Variants in CDH12 observed in about 807,000 individuals in gnomAD.
The protein encoded by CDH12 is cadherin-12.
CDH12 carries 41 observed loss-of-function variants against 74.1 expected under a neutral mutation model. The observed-to-expected ratio is 0.55, with a 90% confidence interval of 0.43 to 0.72. The LOEUF is 0.72. Ranked by LOEUF, CDH12 falls within the 30% of genes least tolerant of loss-of-function variation. The pLI, the probability that CDH12 is intolerant of heterozygous loss-of-function variation, is 0.00. For synonymous variants in CDH12, 399 were observed against 355.0 expected (o/e 1.12, Z -1.39); for missense variants, 945 against 977.2 (o/e 0.97, Z 0.44).
chr5:22,297,618 A>G (rs1737689265), intron 3 of CDH12, among the ~76,000 whole-genome samples: 1 of 152,178 alleles, frequency 6.6e-6, no homozygotes, highest in South Asian at 2.1e-4. Context: ...ACAACATGCG[A>G]TTGTATTTGT....
At chr5:22,624,020 A>C (rs954859355) in intron 1 of CDH12, among the ~76,000 whole-genome samples, 2 of 152,194 alleles carry the variant, frequency 1.3e-5, no homozygotes, top group African/African-American at 4.8e-5. Context: ...ACACATCTAC[A>C]ACCATCTGAT....
intron 5 of CDH12, among the ~76,000 whole-genome samples, chr5:22,064,454 T>C (rs1463820583): frequency 6.6e-6 from 1 of 152,130 alleles, no homozygotes; most frequent in East Asian, 1.9e-4. Flanking sequence ...CTTTACTGGT[T>C]TTGGGATTTC....
intron 1 of CDH12, among the ~76,000 whole-genome samples, chr5:22,775,591 G>T (rs1019276524): frequency 6.6e-6 from 1 of 151,972 alleles, no homozygotes; most frequent in Admixed American, 6.6e-5. Context: ...TAACATTGGG[G>T]TAAATGTTAT....
intron 6 of CDH12, among the ~76,000 whole-genome samples, chr5:21,933,230 T>A (rs1754924044): frequency 6.6e-6 from 1 of 152,156 alleles, no homozygotes; most frequent in Non-Finnish European, 1.5e-5. Flanking sequence ...ATTATATTTG[T>A]GCTATTATTA....
chr5:22,693,323 G>A (rs1196683707), intron 1 of CDH12, among the ~76,000 whole-genome samples: 1 of 152,108 alleles, frequency 6.6e-6, no homozygotes, highest in East Asian at 1.9e-4. Context: ...ACAGCATTGA[G>A]CAAAAAAAGA....
chr5:22,698,713 A>G (rs1158222453), intron 1 of CDH12, among the ~76,000 whole-genome samples: 31 of 23,778 alleles, frequency 1.3e-3, no homozygotes, highest in Middle Eastern at 0.029. Context: ...ATATATATAT[A>G]TATATATATA....
chr5:21,831,720 G>C (rs1579789561), intron 8 of CDH12, among the ~76,000 whole-genome samples: 2 of 151,616 alleles, frequency 1.3e-5, no homozygotes, highest in South Asian at 4.2e-4. Context: ...TCGGGGGATT[G>C]TCAAAAGAGA....
At chr5:22,371,696 T>G (rs1330593525) in intron 3 of CDH12, among the ~76,000 whole-genome samples, 4 of 152,226 alleles carry the variant, frequency 2.6e-5, no homozygotes, top group Middle Eastern at 3.2e-3. Flanking sequence ...AACTAGCTTT[T>G]AAAATCAATT....
At chr5:21,821,496 A>G (rs748776258) in intron 8 of CDH12, among the ~76,000 whole-genome samples, 5 of 151,932 alleles carry the variant, frequency 3.3e-5, no homozygotes, top group Non-Finnish European at 5.9e-5. Flanking sequence ...AATACATTTT[A>G]TTTTATCTTT....
chr5:22,631,921 A>C (rs773777633), intron 1 of CDH12, among the ~76,000 whole-genome samples: 6 of 152,078 alleles, frequency 3.9e-5, no homozygotes, highest in Non-Finnish European at 7.4e-5. Flanking sequence ...TTTATGAAGG[A>C]TGTAACCCCA....
chr5:21,871,597 G>T (rs962948659), intron 6 of CDH12, among the ~76,000 whole-genome samples: 2 of 152,108 alleles, frequency 1.3e-5, no homozygotes, highest in Non-Finnish European at 2.9e-5. Flanking sequence ...GCTGGGCGTG[G>T]TGGCACACGC....
At chr5:21,786,357 T>C (rs1195540507) in intron 10 of CDH12, among the ~76,000 whole-genome samples, 2 of 152,146 alleles carry the variant, frequency 1.3e-5, no homozygotes, top group East Asian at 3.9e-4. Context: ...TTTCACCATG[T>C]TGGTCAGGCT....
intron 1 of CDH12, among the ~76,000 whole-genome samples, chr5:22,614,670 T>C (rs1462806303): frequency 6.6e-6 from 1 of 152,036 alleles, no homozygotes; most frequent in Non-Finnish European, 1.5e-5. Context: ...CATGAGATAG[T>C]GTGGTGGGGG....
intron 8 of CDH12, among the ~76,000 whole-genome samples, chr5:21,836,326 G>T (rs12520871): frequency 0.056 from 8,569 of 151,670 alleles, 327 homozygotes; most frequent in South Asian, 0.11. Flanking sequence ...AATCAAAACA[G>T]AGAATTGCTT....
At chr5:21,994,955 C>G (rs1424782893) in intron 5 of CDH12, among the ~76,000 whole-genome samples, 1 of 152,134 alleles carries the variant, frequency 6.6e-6, no homozygotes, top group Non-Finnish European at 1.5e-5. Flanking sequence ...TCCTCTTCTA[C>G]ACTGTGGAAG....
intron 1 of CDH12, among the ~76,000 whole-genome samples, chr5:22,773,977 CA>C (rs1390719960): frequency 6.6e-6 from 1 of 151,884 alleles, no homozygotes; most frequent in Admixed American, 6.6e-5. Flanking sequence ...ATTAAAATGT[CA>C]AAAAACAACA....
intron 3 of CDH12, among the ~76,000 whole-genome samples, chr5:22,369,526 C>T (rs1220508496): frequency 6.6e-6 from 1 of 152,054 alleles, no homozygotes; most frequent in African/African-American, 2.4e-5. Context: ...CAATTCATGC[C>T]TTTAAGATTT....
intron 1 of CDH12, among the ~76,000 whole-genome samples, chr5:22,820,175 A>G (rs1440906778): frequency 6.6e-6 from 1 of 151,828 alleles, no homozygotes; most frequent in Non-Finnish European, 1.5e-5. Context: ...TAAAAATGAA[A>G]AAGGTTAAAA....
intron 1 of CDH12, among the ~76,000 whole-genome samples, chr5:22,710,467 C>T (rs1273737323): frequency 6.6e-6 from 1 of 152,074 alleles, no homozygotes; most frequent in East Asian, 1.9e-4. Context: ...CCGAGGTACA[C>T]AATAATTTTT....
Sources: gnomAD v4.1 joint callset for allele counts (sites outside exome capture counted in the v4.1 genomes callset) on GRCh38, gnomAD v4.1.1 for gene constraint, MANE v1.5 for transcripts, NCBI Gene and HGNC (gene_info 2026-07-23, HGNC 2026-07-21) for gene names.